The following LRCH3 variants were observed in gnomAD, a reference collection of about 807,000 sequenced individuals.
LRCH3 encodes DISP complex protein LRCH3.
In LRCH3, 68 loss-of-function variants were observed where a neutral mutation model predicts 104.5. The ratio of observed to expected loss-of-function variants is 0.65; its 90% CI spans 0.54 to 0.80. The LOEUF is 0.80. Among genes scored for constraint, LRCH3 ranks in the 30% least tolerant of loss-of-function variants. The pLI, the probability that LRCH3 is intolerant of heterozygous loss-of-function variation, is 0.00. For synonymous variants in LRCH3, 344 were observed against 361.3 expected (o/e 0.95, Z 0.54); for missense variants, 951 against 953.9 (o/e 1.00, Z 0.04).
intron 20 of LRCH3, among the ~76,000 whole-genome samples, chr3:197,878,210 C>T (rs1713125231): frequency 2.0e-5 from 3 of 152,146 alleles, no homozygotes; most frequent in Admixed American, 6.5e-5. Context: ...GATGTCAAAA[C>T]CTGTTGAAAG....
At chr3:197,828,042 A>T (rs1735439576) in intron 5 of LRCH3, among the ~76,000 whole-genome samples, 1 of 145,346 alleles carries the variant, frequency 6.9e-6, no homozygotes, top group South Asian at 2.2e-4. Flanking sequence ...GCGCCACTGC[A>T]CTCCAGCCTG....
At chr3:197,839,985 A>AT (rs1737553478) in intron 10 of LRCH3, among the ~76,000 whole-genome samples, 1 of 151,876 alleles carries the variant, frequency 6.6e-6, no homozygotes. Flanking sequence ...AAAAAAAAAA[A>AT]ATACAAAATA....
At chr3:197,878,056 C>T (rs1038901634) in intron 20 of LRCH3, among the ~76,000 whole-genome samples, 3 of 152,198 alleles carry the variant, frequency 2.0e-5, no homozygotes, top group African/African-American at 7.2e-5. Flanking sequence ...GCTACACAAA[C>T]ATCCAGTGTC....
chr3:197,872,398 T>C (rs918577254), intron 19 of LRCH3, among the ~76,000 whole-genome samples: 1 of 138,556 alleles, frequency 7.2e-6, no homozygotes, highest in African/African-American at 2.7e-5. Context: ...TGAATCTAGG[T>C]GCTAAGTGAG....
intron 12 of LRCH3, among the ~76,000 whole-genome samples, chr3:197,851,226 G>A (rs899495632): frequency 6.6e-6 from 1 of 152,144 alleles, no homozygotes; most frequent in Non-Finnish European, 1.5e-5. Flanking sequence ...TTTGCCTTCC[G>A]TAGAAGTCAC....
chr3:197,849,592 ACT>A (rs750257414), intron 12 of LRCH3, among the ~76,000 whole-genome samples: 4 of 152,068 alleles, frequency 2.6e-5, no homozygotes, highest in Non-Finnish European at 2.9e-5. Flanking sequence ...CTACATACAA[ACT>A]TTTTTATATA....
chr3:197,833,693 A>G (rs940645944), intron 8 of LRCH3, among the ~76,000 whole-genome samples: 17 of 152,198 alleles, frequency 1.1e-4, no homozygotes, highest in East Asian at 7.7e-4. Flanking sequence ...ATATTAGACA[A>G]TGTAAAATAT....
intron 1 of LRCH3, among the ~76,000 whole-genome samples, chr3:197,802,683 A>G (rs566071240): frequency 6.6e-6 from 1 of 152,254 alleles, no homozygotes; most frequent in African/African-American, 2.4e-5. Flanking sequence ...TAATCTGTTC[A>G]GATTTTCTGT....
intron 10 of LRCH3, among the ~76,000 whole-genome samples, chr3:197,842,494 A>T (rs1236995762): frequency 6.6e-6 from 1 of 152,200 alleles, no homozygotes; most frequent in Non-Finnish European, 1.5e-5. Context: ...CAGTTACAGC[A>T]ACTCAAAAAC....
At position 197,832,247 on chromosome 3, in the gene LRCH3, A is replaced by G; in HGVS notation, c.1032A>G (p.Lys344=). 3 of 1,613,940 alleles carry G rather than the reference A, an allele frequency of 1.9e-6. No homozygotes were observed. Among genetic ancestry groups the G allele is most frequent in the Non-Finnish European group, 2.5e-6 (3 of 1,179,830 alleles). The change falls in exon 8 of 21, where the codon AAA becomes AAG. Residue 344 remains lysine (K), a synonymous_variant. Coordinates refer to ENST00000425562, the MANE Select transcript of LRCH3 (RefSeq NM_001365715.1). The stretch of plus-strand genomic sequence containing the variant: ...CTCTTCGAGTAGCAGAGATTACTAA[A>G]GAACAAAGACTACGAAGAGAAAGCC... ...DLPLRVAEIT[K]EQRLRRESQY...
chr3:197,878,924 A>G (rs1713225983), intron 20 of LRCH3, among the ~76,000 whole-genome samples: 1 of 152,204 alleles, frequency 6.6e-6, no homozygotes, highest in African/African-American at 2.4e-5. Flanking sequence ...CAATATTACA[A>G]ATATTTTTGT....
At chr3:197,853,582 GT>G (rs1459968734) in intron 13 of LRCH3, among the ~76,000 whole-genome samples, 1 of 152,142 alleles carries the variant, frequency 6.6e-6, no homozygotes, top group Non-Finnish European at 1.5e-5. Flanking sequence ...CATAAAATAA[GT>G]TATTTGAAAA....
At chr3:197,844,873 G>T (rs1738405334) in intron 10 of LRCH3, among the ~76,000 whole-genome samples, 2 of 152,092 alleles carry the variant, frequency 1.3e-5, no homozygotes, top group South Asian at 4.1e-4. Flanking sequence ...GCCCGCCTCG[G>T]CCTCCCAAAG....
rs1714247602 is a variant in LRCH3 at position 197,886,960 on chromosome 3, T to C, written c.*3294T>C. On this transcript the variant is annotated 3_prime_UTR_variant, in exon 21 of 21. Coordinates refer to ENST00000425562, the MANE Select transcript of LRCH3 (RefSeq NM_001365715.1). ...CAACTTATTTCAAATTTTGCACATA[T>C]TATGAAACCTTATTAATGTATTTTT... 1.3e-5 allele frequency: 2 copies of C among 152,216 alleles called. No individual in the cohort carries two copies. Among genetic ancestry groups the C allele is most frequent in the South Asian group, 2.1e-4 (1 of 4,834 alleles). The allele number at this position is 152,216 out of a possible 1,614,324, so 9.4% of individuals were successfully genotyped here.
At position 197,839,334 on chromosome 3, in the gene LRCH3, AG is replaced by A; in HGVS notation, c.1266del (p.Lys422AsnfsTer3). ...RRISHEGSPV[K>X]PVAIREFQKT... ...CCTCTGGCCTAGGGTTCACCAGTAA[AG>A]CCAGTAGCCATTAGGGAGTTTCAAA... On this transcript the variant is annotated frameshift_variant, in exon 10 of 21. Coordinates refer to ENST00000425562, the MANE Select transcript of LRCH3 (RefSeq NM_001365715.1). LOFTEE classifies it high-confidence loss of function. The A allele has an allele frequency of 6.3e-7, 1 of 1,597,408 alleles. No individual in the cohort carries two copies. The highest frequency in any genetic ancestry group is 8.5e-7 in the Non-Finnish European group (1 of 1,174,566).
chr3:197,878,381 G>C (rs78994365), intron 20 of LRCH3, among the ~76,000 whole-genome samples: 16,438 of 152,206 alleles, frequency 0.11, 936 homozygotes, highest in African/African-American at 0.13. Flanking sequence ...TGCATGCAGT[G>C]GTTGACCATG....
intron 5 of LRCH3, among the ~76,000 whole-genome samples, 188 bp downstream of exon 5, chr3:197,827,202 GACCATGGTGGAAGCATCAGGTAA>G (rs1735316922): frequency 1.0e-5 from 1 of 95,682 alleles, no homozygotes. Context: ...GCATCAGGTA[GACCATGGTGGAAGCATCAGGTAA>G]ACCATGGTGG....
chr3:197,811,800 C>T (rs1434249450), intron 1 of LRCH3, among the ~76,000 whole-genome samples: 1 of 152,166 alleles, frequency 6.6e-6, no homozygotes, highest in Non-Finnish European at 1.5e-5. Context: ...AACTGCCAGT[C>T]TCTGTTACAC....
intron 1 of LRCH3, among the ~76,000 whole-genome samples, chr3:197,794,904 G>C (rs562576): frequency 0.81 from 122,564 of 151,858 alleles, 50,383 homozygotes; most frequent in East Asian, 1. Flanking sequence ...ACTTGAGAGG[G>C]TGAGGCACGA....
Sources: gnomAD v4.1 joint callset for allele counts (sites outside exome capture counted in the v4.1 genomes callset) on GRCh38, gnomAD v4.1.1 for gene constraint, MANE v1.5 for transcripts, NCBI Gene and HGNC (gene_info 2026-07-23, HGNC 2026-07-21) for gene names.